Variants in SPAST observed in about 807,000 individuals in gnomAD.
SPAST encodes spastic paraplegia 4 (autosomal dominant; spastin).
A neutral mutation model predicts 76.6 loss-of-function variants in SPAST; 30 were observed. The ratio of observed to expected loss-of-function variants is 0.39; its 90% CI spans 0.29 to 0.53. SPAST has a LOEUF of 0.53. SPAST is among the 20% of genes least tolerant of loss of function. The pLI, the probability that SPAST is intolerant of heterozygous loss-of-function variation, is 0.68. For synonymous variants in SPAST, 305 were observed against 281.0 expected (o/e 1.09, Z -0.86); for missense variants, 717 against 770.5 (o/e 0.93, Z 0.82).
In SPAST at chr2:32,156,492, T is replaced by C. The variant is rs919445492; in HGVS notation, c.*1996T>C. On this transcript the variant is annotated 3_prime_UTR_variant, in exon 17 of 17. Transcript: ENST00000315285. ...TTTTTTCAAGCCAGAGCTATGCATA[T>C]GTTAGGTGATGGGTAGTATCCCTTT... The C allele has an allele frequency of 7.9e-5, 12 of 152,320 alleles. No individual in the cohort carries two copies. Among genetic ancestry groups the C allele is most frequent in the African/African-American group, 2.6e-4 (11 of 41,580 alleles). 9.4% of individuals were successfully genotyped at this position (152,320 alleles called of 1,614,324 possible). A position where few individuals can be genotyped will look rare whatever the true frequency, so the allele number is the denominator to read the frequency against.
intron 7 of SPAST, among the ~76,000 whole-genome samples, chr2:32,121,997 G>T (rs1298679739): frequency 2.0e-5 from 3 of 152,104 alleles, no homozygotes; most frequent in African/African-American, 7.2e-5. Context: ...CAAATGTCTG[G>T]TTATTCTGGT....
intron 9 of SPAST, among the ~76,000 whole-genome samples, chr2:32,136,221 T>C (rs1679532131): frequency 1.3e-5 from 2 of 152,248 alleles, no homozygotes. Flanking sequence ...AATCTAGGGC[T>C]TAAAGAATAT....
At chr2:32,103,172 G>A (rs1182892502) in intron 4 of SPAST, among the ~76,000 whole-genome samples, 6 of 152,078 alleles carry the variant, frequency 3.9e-5, no homozygotes, top group South Asian at 2.1e-4. Flanking sequence ...CAGGGATTCA[G>A]CTTCTTCCTG....
chr2:32,149,753 CAGG>C (rs1244365925), intron 16 of SPAST, among the ~76,000 whole-genome samples: 1 of 152,040 alleles, frequency 6.6e-6, no homozygotes, highest in Non-Finnish European at 1.5e-5. Context: ...TTAAAGTATA[CAGG>C]AGGATTGTGT....
intron 2 of SPAST, 116 bp downstream of exon 2, chr2:32,087,694 CTTT>C (rs770566493): frequency 8.2e-3 from 1,523 of 184,934 alleles, no homozygotes; most frequent in South Asian, 0.013. Flanking sequence ...CTTTTCTTTT[CTTT>C]TTTTTTTTTT....
At chr2:32,097,999 T>C (rs1677985831) in intron 3 of SPAST, among the ~76,000 whole-genome samples, 1 of 151,964 alleles carries the variant, frequency 6.6e-6, no homozygotes, top group African/African-American at 2.4e-5. Flanking sequence ...CGCCTGGCTG[T>C]CCTTTCTTTT....
At chr2:32,067,337 C>T (rs1343609640) in intron 1 of SPAST, among the ~76,000 whole-genome samples, 3 of 152,112 alleles carry the variant, frequency 2.0e-5, no homozygotes, top group Non-Finnish European at 2.9e-5. Flanking sequence ...GCTGGGATTA[C>T]AGGTGTGAGC....
At chr2:32,082,274 T>A (rs912534700) in intron 1 of SPAST, among the ~76,000 whole-genome samples, 2 of 151,058 alleles carry the variant, frequency 1.3e-5, no homozygotes, top group African/African-American at 4.9e-5. Context: ...ATTACAGCCA[T>A]GAGCCACCGC....
At chr2:32,096,564 C>A (rs1051997823) in intron 3 of SPAST, among the ~76,000 whole-genome samples, 20 of 152,124 alleles carry the variant, frequency 1.3e-4, no homozygotes, top group East Asian at 1.9e-4. Flanking sequence ...TGTACTGTTA[C>A]ACTGTATGTG....
chr2:32,083,394 C>CT, intron 1 of SPAST, among the ~76,000 whole-genome samples: 1 of 151,938 alleles, frequency 6.6e-6, no homozygotes, highest in Non-Finnish European at 1.5e-5. Context: ...TCATAAGAAA[C>CT]TACCAAACTG....
chr2:32,124,070 A>G (rs1679111382), intron 7 of SPAST, among the ~76,000 whole-genome samples: 1 of 152,184 alleles, frequency 6.6e-6, no homozygotes, highest in South Asian at 2.1e-4. Context: ...AGATGCTGTT[A>G]GGAGAATGAA....
At chr2:32,066,716 G>A (rs1475376643) in intron 1 of SPAST, among the ~76,000 whole-genome samples, 22 of 152,046 alleles carry the variant, frequency 1.4e-4, no homozygotes, top group Admixed American at 1.4e-3. Context: ...GCTCATGCCT[G>A]TAATTCCAGC....
In SPAST at chr2:32,141,942, A is replaced by C. The variant is rs749618541; in HGVS notation, c.1532A>C (p.Glu511Ala). 6.2e-7 allele frequency: 1 copy of C among 1,611,904 alleles called. No individual in the cohort carries two copies. The highest frequency in any genetic ancestry group is 8.5e-7 in the Non-Finnish European group (1 of 1,178,588). Residue 511 changes from glutamate to alanine, a missense_variant, in exon 13 of 17, where the codon GAG becomes GCG. Coordinates refer to ENST00000315285, the MANE Select transcript of SPAST (RefSeq NM_014946.4). ...IKRVYVSLPN[E>A]ETRLLLLKNL... ...CGGGTATATGTGTCTTTACCAAATG[A>C]GGAGGTATGTATCTGTGTTTGAATT...
chr2:32,113,837 G>T (rs1228384845), intron 4 of SPAST, among the ~76,000 whole-genome samples: 1 of 152,012 alleles, frequency 6.6e-6, no homozygotes, highest in African/African-American at 2.4e-5. Context: ...AAAGTGCTGG[G>T]ATTACAGGTG....
chr2:32,125,757 G>A (rs1679168803), intron 7 of SPAST, among the ~76,000 whole-genome samples: 1 of 151,976 alleles, frequency 6.6e-6, no homozygotes, highest in Non-Finnish European at 1.5e-5. Flanking sequence ...CTTTGGTGGG[G>A]AGTTCCTCAT....
intron 16 of SPAST, among the ~76,000 whole-genome samples, chr2:32,151,194 C>A (rs545415129): frequency 1.3e-5 from 2 of 151,978 alleles, no homozygotes; most frequent in African/African-American, 2.4e-5. Context: ...CCGCCCACCT[C>A]GGCCTCCCAA....
intron 12 of SPAST, among the ~76,000 whole-genome samples, chr2:32,141,195 A>G (rs1172501076): frequency 6.6e-6 from 1 of 152,142 alleles, no homozygotes; most frequent in Admixed American, 6.5e-5. Context: ...TTATTCTTCT[A>G]CTAAAAAATA....
chr2:32,069,433 A>G (rs1676659104), intron 1 of SPAST, among the ~76,000 whole-genome samples: 2 of 152,068 alleles, frequency 1.3e-5, no homozygotes, highest in South Asian at 4.1e-4. Flanking sequence ...CAAAATATAT[A>G]TGATCAAATA....
chr2:32,108,238 AC>A (rs1678398452), intron 4 of SPAST, among the ~76,000 whole-genome samples: 1 of 152,192 alleles, frequency 6.6e-6, no homozygotes, highest in Non-Finnish European at 1.5e-5. Context: ...AAGTGTAGTT[AC>A]TGAAATTAAA....
Sources: allele counts gnomAD v4.1 joint callset (sites outside exome capture counted in the v4.1 genomes callset), GRCh38; gene constraint gnomAD v4.1.1; transcripts MANE v1.5; gene names NCBI Gene and HGNC (gene_info 2026-07-23, HGNC 2026-07-21).